Variants in GPR21 observed in about 807,000 individuals in gnomAD.
GPR21 encodes the protein G protein-coupled receptor 21.
A neutral mutation model predicts 21.5 loss-of-function variants in GPR21; 9 were observed. That is an observed-to-expected ratio of 0.42 (90% CI 0.25 to 0.73). The LOEUF (loss-of-function observed/expected upper bound fraction) is 0.73, where lower values mean the gene tolerates loss of function less well. Ranked by LOEUF, GPR21 falls within the 30% of genes least tolerant of loss-of-function variation. The pLI is 0.27. For synonymous variants in GPR21, 169 were observed against 159.3 expected, an observed-to-expected ratio of 1.06 and a Z score of -0.46; for missense variants, 416 against 428.9, an observed-to-expected ratio of 0.97 and a Z score of 0.27.
chr9:123,042,661 G>C, the GPR21 span, among the ~76,000 whole-genome samples: 1 of 152,136 alleles, frequency 6.6e-6, no homozygotes, highest in Admixed American at 6.5e-5. Flanking sequence ...CAGAGAGACA[G>C]AAAATAGATG....
At chr9:123,042,541 A>G in the GPR21 span, among the ~76,000 whole-genome samples, 1 of 152,206 alleles carries the variant, frequency 6.6e-6, no homozygotes, top group Non-Finnish European at 1.5e-5. Context: ...GTAAAAATGA[A>G]TAGGAAGAGA....
downstream of GPR21, among the ~76,000 whole-genome samples, chr9:123,035,913 GC>G (rs1268409678): frequency 6.6e-6 from 1 of 152,106 alleles, no homozygotes; most frequent in Non-Finnish European, 1.5e-5. Context: ...AATGAATAAA[GC>G]CATATCTAAC....
At position 123,034,566 on chromosome 9, in the gene GPR21, G is replaced by T; in HGVS notation, c.-1G>T. On this transcript the variant is annotated 5_prime_UTR_variant, in exon 2 of 2. Coordinates refer to ENST00000616002, the MANE Select transcript of GPR21 (RefSeq NM_005294.3). ...AGTGACAGATCACTCCTGAGCTCAA[G>T]ATGAACTCCACCTTGGATGGTAATC... 1 of 1,590,762 alleles carries T rather than the reference G, an allele frequency of 6.3e-7. No individual in the cohort carries two copies. The highest frequency in any genetic ancestry group is 8.6e-7 in the Non-Finnish European group (1 of 1,167,542).
At chr9:123,038,227 T>C (rs1258293546), downstream of GPR21, among the ~76,000 whole-genome samples, 1 of 152,216 alleles carries the variant, frequency 6.6e-6, no homozygotes, top group Non-Finnish European at 1.5e-5. Flanking sequence ...CACGGGCCTA[T>C]TGACTCTTAC....
chr9:123,034,190 T>A lies in GPR21; in HGVS notation c.-377T>A. The A allele has an allele frequency of 4.2e-6, 1 of 239,560 alleles. No individual in the cohort carries two copies. The highest frequency in any genetic ancestry group is 7.9e-6 in the Non-Finnish European group (1 of 125,860). The allele number at this position is 239,560 out of a possible 1,614,324, so 14.8% of individuals were successfully genotyped here. A position where few individuals can be genotyped will look rare whatever the true frequency, so the allele number is the denominator to read the frequency against. On this transcript the variant is annotated 5_prime_UTR_variant, in exon 2 of 2. Transcript: ENST00000616002. ...TATCAGCTGTTCAGAGGAGACTCAT[T>A]ACAACTCCTGCTGAAGCTCCTAATC...
downstream of GPR21, among the ~76,000 whole-genome samples, chr9:123,039,607 T>C (rs141897037): frequency 1.3e-4 from 20 of 152,306 alleles, 1 homozygote; most frequent in East Asian, 3.5e-3. Context: ...AAGAGATTAA[T>C]GTGGTAATGT....
downstream of GPR21, among the ~76,000 whole-genome samples, chr9:123,039,830 C>T (rs2032864833): frequency 6.6e-6 from 1 of 152,162 alleles, no homozygotes; most frequent in Non-Finnish European, 1.5e-5. Context: ...ATGAAAGAAA[C>T]TTCCTATGTG....
chr9:123,047,270 A>G, the GPR21 span, among the ~76,000 whole-genome samples: 324 of 152,350 alleles, frequency 2.1e-3, no homozygotes, highest in Non-Finnish European at 4.0e-3. Context: ...GGTAAAAAAT[A>G]AATGGGTATT....
rs558069837 is a variant in GPR21 at position 123,035,537 on chromosome 9, C to T, written c.971C>T (p.Thr324Ile). ...GLKRLSGAMC[T>I]SCASQTTAND... ...AAGCGCCTCTCAGGGGCTATGTGTA[C>T]TTCTTGTGCAAGTCAGACTACAGCC... The change falls in exon 2 of 2, where the codon ACT becomes ATT. Residue 324 changes from threonine to isoleucine, a missense_variant. Transcript: ENST00000616002. The T allele has an allele frequency of 1.2e-5, 20 of 1,613,980 alleles. 1 individual carries two copies. The South Asian group carries it at 2.2e-4, about 18-fold the overall frequency.
downstream of GPR21, among the ~76,000 whole-genome samples, chr9:123,038,823 C>T (rs977145375): frequency 6.6e-6 from 1 of 151,700 alleles, no homozygotes; most frequent in Non-Finnish European, 1.5e-5. Flanking sequence ...GTAAACGAGT[C>T]ATTTGGCCTT....
chr9:123,046,331 A>C, the GPR21 span, among the ~76,000 whole-genome samples: 1 of 152,206 alleles, frequency 6.6e-6, no homozygotes, highest in Admixed American at 6.5e-5. Context: ...AACTTTAAAA[A>C]TGAGTTGGTC....
Position 123,035,550 on chromosome 9 carries a change from T to A in GPR21, c.984T>A (p.Ser328Arg), listed in dbSNP as rs749496406. 3 of 1,613,600 alleles carry A rather than the reference T, an allele frequency of 1.9e-6. No individual in the cohort carries two copies. The highest frequency in any genetic ancestry group is 2.5e-6 in the Non-Finnish European group (3 of 1,179,908). The change falls in exon 2 of 2, where the codon AGT becomes AGA. Residue 328 changes from serine (S) to arginine (R), a missense_variant. By Grantham distance (110) the Ser-to-Arg change is moderately radical. Coordinates refer to ENST00000616002, the MANE Select transcript of GPR21 (RefSeq NM_005294.3). ...GGGCTATGTGTACTTCTTGTGCAAG[T>A]CAGACTACAGCCAACGACCCTTACA... is the stretch of plus-strand genomic sequence containing the variant. ...LSGAMCTSCASQTTANDPYTV... is the reference protein window; with the variant it reads ...LSGAMCTSCARQTTANDPYTV...
At chr9:123,033,969 A>G (rs1309515385) in intron 1 of GPR21, among the ~76,000 whole-genome samples, 1 of 152,162 alleles carries the variant, frequency 6.6e-6, no homozygotes, top group East Asian at 1.9e-4. Flanking sequence ...GTTTTGTTTT[A>G]TGCTGATCTT....
At chr9:123,036,494 A>G (rs557391971), downstream of GPR21, among the ~76,000 whole-genome samples, 3 of 152,264 alleles carry the variant, frequency 2.0e-5, no homozygotes, top group East Asian at 1.9e-4. Context: ...AATGGTGACT[A>G]TATACAAAAA....
At chr9:123,035,894 C>T (rs1008916888), downstream of GPR21, among the ~76,000 whole-genome samples, 2 of 152,090 alleles carry the variant, frequency 1.3e-5, no homozygotes, top group South Asian at 2.1e-4. Context: ...CTACAGTTCT[C>T]AGATTTAAAA....
chr9:123,046,116 ATGTATT>A, the GPR21 span, among the ~76,000 whole-genome samples: 1 of 152,116 alleles, frequency 6.6e-6, no homozygotes, highest in African/African-American at 2.4e-5. Context: ...CTGATGTTTT[ATGTATT>A]TTGTCCTGCT....
chr9:123,046,352 A>C, the GPR21 span, among the ~76,000 whole-genome samples: 1 of 152,196 alleles, frequency 6.6e-6, no homozygotes, highest in Admixed American at 6.6e-5. Context: ...TTATGCAGAA[A>C]ATACAATTTT....
At chr9:123,046,521 G>GCA in the GPR21 span, among the ~76,000 whole-genome samples, 1 of 152,124 alleles carries the variant, frequency 6.6e-6, no homozygotes, top group Admixed American at 6.6e-5. Context: ...CTAGCTGTGA[G>GCA]ACCTGGGGCA....
chr9:123,038,800 A>G (rs1310580183), downstream of GPR21, among the ~76,000 whole-genome samples: 4 of 151,732 alleles, frequency 2.6e-5, no homozygotes, highest in Admixed American at 1.3e-4. Context: ...TATTGTAGAC[A>G]TTTCTTATGG....
Sources: gnomAD v4.1 joint callset for allele counts (sites outside exome capture counted in the v4.1 genomes callset) on GRCh38, gnomAD v4.1.1 for gene constraint, MANE v1.5 for transcripts, NCBI Gene and HGNC (gene_info 2026-07-23, HGNC 2026-07-21) for gene names.